Variants in KITLG observed in about 807,000 individuals in gnomAD.
The protein encoded by KITLG is KIT ligand, also known as c-Kit ligand.
KITLG carries 13 observed loss-of-function variants against 34.1 expected under a neutral mutation model. The ratio of observed to expected loss-of-function variants is 0.38; its 90% CI spans 0.25 to 0.61. KITLG has a LOEUF of 0.61. KITLG is among the 20% of genes least tolerant of loss of function. KITLG has a pLI of 0.60. For missense variants in KITLG, 292 were observed against 318.9 expected, an observed-to-expected ratio of 0.92 and a Z score of 0.64; for synonymous variants, 110 against 104.0, an observed-to-expected ratio of 1.06 and a Z score of -0.35.
At position 88,495,119 on chromosome 12, in the gene KITLG, A is replaced by G. The variant is rs1868579226; in HGVS notation, c.*2100T>C. ...AATAACTTGCTGAATTTGTTTATTT[A>G]ACTCCATTGATTAAGACCATGTCCA... On this transcript the variant is annotated 3_prime_UTR_variant, in exon 10 of 10. Transcript: ENST00000644744. 6.6e-6 allele frequency: 1 copy of G among 152,030 alleles called. No individual in the cohort carries two copies. The highest frequency in any genetic ancestry group is 1.5e-5 in the Non-Finnish European group (1 of 67,936). 9.4% of individuals were successfully genotyped at this position (152,030 alleles called of 1,614,324 possible).
At chr12:88,565,426 A>C (rs1199236014) in intron 1 of KITLG, among the ~76,000 whole-genome samples, 4 of 152,188 alleles carry the variant, frequency 2.6e-5, no homozygotes. Context: ...AGAGATCGAG[A>C]CCATCCTGGC....
intron 1 of KITLG, among the ~76,000 whole-genome samples, chr12:88,563,376 C>T (rs12296186): frequency 7.1e-4 from 108 of 152,272 alleles, no homozygotes; most frequent in African/African-American, 2.6e-3. Context: ...TTGACCAAAA[C>T]AAAACCAGCT....
chr12:88,498,549 T>C (rs572396954), intron 9 of KITLG, among the ~76,000 whole-genome samples: 1 of 152,086 alleles, frequency 6.6e-6, no homozygotes, highest in East Asian at 1.9e-4. Context: ...TTTAAATGTA[T>C]AAATAATTGG....
chr12:88,521,826 T>C (rs1195034886), intron 3 of KITLG, among the ~76,000 whole-genome samples: 1 of 152,206 alleles, frequency 6.6e-6, no homozygotes. Context: ...TGATAGCTTC[T>C]GTCTTATGTT....
chr12:88,503,134 C>A (rs1017879602), intron 9 of KITLG, among the ~76,000 whole-genome samples: 1 of 152,066 alleles, frequency 6.6e-6, no homozygotes, highest in Admixed American at 6.6e-5. Context: ...ACATGTTAAT[C>A]AAGAGTATGA....
At chr12:88,579,833 T>C (rs916395155) in intron 1 of KITLG, among the ~76,000 whole-genome samples, 4 of 152,078 alleles carry the variant, frequency 2.6e-5, no homozygotes, top group Non-Finnish European at 4.4e-5. Context: ...GCTACACAAA[T>C]AAATCTGAGT....
At chr12:88,555,979 C>T (rs1871084590) in intron 1 of KITLG, among the ~76,000 whole-genome samples, 1 of 152,010 alleles carries the variant, frequency 6.6e-6, no homozygotes, top group Non-Finnish European at 1.5e-5. Flanking sequence ...CCAAGTACAG[C>T]TAAACCTGAC....
rs67719813 is a variant in KITLG, at chr12:88,548,454, C to CA, written c.16-2590dup. On this transcript the variant is annotated intron_variant, in intron 1 of 9. Transcript: ENST00000644744. ...GGCGACAAAAGCTAGACTACATCAC[C>CA]AAAAAAAAAAAAAGTTAGATAACAA... Among the ~76,000 whole-genome samples the CA allele has an allele frequency of 4.8e-3, 702 of 146,602 alleles. 5 individuals carry two copies. Among genetic ancestry groups the CA allele is most frequent in the African/African-American group, 0.016 (639 of 38,814 alleles).
chr12:88,543,433 A>G (rs1396882655), intron 2 of KITLG, among the ~76,000 whole-genome samples: 1 of 152,184 alleles, frequency 6.6e-6, no homozygotes, highest in East Asian at 1.9e-4. Context: ...CCTTCAAAGG[A>G]CATGAACTCA....
intron 6 of KITLG, among the ~76,000 whole-genome samples, chr12:88,514,152 A>T (rs947692713): frequency 6.6e-5 from 10 of 151,680 alleles, no homozygotes; most frequent in African/African-American, 2.2e-4. Context: ...TCACAACACA[A>T]AAATGTGTGA....
chr12:88,505,127 A>AG, intron 9 of KITLG, 32 bp downstream of exon 9: 1 of 1,168,500 alleles, frequency 8.6e-7, no homozygotes, highest in Non-Finnish European at 1.3e-6. Context: ...AATAAAAAAA[A>AG]GAAAAAAAAA....
chr12:88,500,799 A>C (rs2120785647), intron 9 of KITLG, among the ~76,000 whole-genome samples: 1 of 152,240 alleles, frequency 6.6e-6, no homozygotes, highest in Admixed American at 6.5e-5. Flanking sequence ...TTATATTTTG[A>C]GACCAGGCCT....
chr12:88,553,118 C>A (rs1222097567), intron 1 of KITLG, among the ~76,000 whole-genome samples: 8 of 152,188 alleles, frequency 5.3e-5, no homozygotes, highest in Non-Finnish European at 8.8e-5. Flanking sequence ...ACCTTTAGCA[C>A]ATGAATATTT....
intron 6 of KITLG, among the ~76,000 whole-genome samples, chr12:88,512,756 GA>G (rs1243861672): frequency 6.7e-6 from 1 of 150,250 alleles, no homozygotes; most frequent in Non-Finnish European, 1.5e-5. Context: ...AAGACTAAAA[GA>G]AAAAAAATCC....
At chr12:88,537,533 C>A (rs1433818917) in intron 2 of KITLG, among the ~76,000 whole-genome samples, 1 of 151,972 alleles carries the variant, frequency 6.6e-6, no homozygotes, top group Non-Finnish European at 1.5e-5. Flanking sequence ...ATGTTCACTA[C>A]CTGGGTGATG....
chr12:88,502,681 G>T (rs138922754), intron 9 of KITLG, among the ~76,000 whole-genome samples: 1 of 152,104 alleles, frequency 6.6e-6, no homozygotes, highest in Non-Finnish European at 1.5e-5. Flanking sequence ...CTGGGTTTCC[G>T]TATCCTAATC....
At chr12:88,502,000 C>T (rs1177019897) in intron 9 of KITLG, among the ~76,000 whole-genome samples, 1 of 152,044 alleles carries the variant, frequency 6.6e-6, no homozygotes, top group Admixed American at 6.6e-5. Context: ...GATGTCCTAC[C>T]AAGTGTCATA....
chr12:88,547,851 T>G (rs1488000564), intron 1 of KITLG, among the ~76,000 whole-genome samples: 1 of 152,208 alleles, frequency 6.6e-6, no homozygotes, highest in Non-Finnish European at 1.5e-5. Flanking sequence ...CTAACAAGTA[T>G]TTATTGAGTA....
chr12:88,569,434 A>G (rs1871567675), intron 1 of KITLG, among the ~76,000 whole-genome samples: 1 of 152,198 alleles, frequency 6.6e-6, no homozygotes, highest in Non-Finnish European at 1.5e-5. Context: ...GAGATTTTGC[A>G]GTTAAAGTCA....
Sources: gnomAD v4.1 joint callset for allele counts (sites outside exome capture counted in the v4.1 genomes callset) on GRCh38, gnomAD v4.1.1 for gene constraint, MANE v1.5 for transcripts, NCBI Gene and HGNC (gene_info 2026-07-23, HGNC 2026-07-21) for gene names.